Variants in PXDNL observed in about 807,000 individuals in gnomAD.
PXDNL encodes peroxidasin like.
In PXDNL, 145 loss-of-function variants were observed where a neutral mutation model predicts 150.8. The ratio of observed to expected loss-of-function variants is 0.96; its 90% CI spans 0.84 to 1.10. The LOEUF (loss-of-function observed/expected upper bound fraction) is 1.10, where lower values mean the gene tolerates loss of function less well. Ranked by LOEUF, PXDNL falls within the 50% of genes least tolerant of loss-of-function variation. The pLI is 0.00. For missense variants in PXDNL, 2,087 were observed against 1,873.9 expected (o/e 1.11, Z -2.10); for synonymous variants, 757 against 725.7 (o/e 1.04, Z -0.69).
chr8:51,509,591 C>T (rs1413159248), intron 4 of PXDNL, among the ~76,000 whole-genome samples: 1 of 151,892 alleles, frequency 6.6e-6, no homozygotes, highest in Non-Finnish European at 1.5e-5. Flanking sequence ...TGTCTCCTTC[C>T]CTGACCACCA....
chr8:51,498,840 A>G (rs777041035), intron 5 of PXDNL, among the ~76,000 whole-genome samples: 1 of 152,206 alleles, frequency 6.6e-6, no homozygotes, highest in Non-Finnish European at 1.5e-5. Flanking sequence ...GAACTATGCA[A>G]GTTTCAGCGT....
At chr8:51,689,671 G>A (rs1451604760) in intron 1 of PXDNL, among the ~76,000 whole-genome samples, 2 of 151,998 alleles carry the variant, frequency 1.3e-5, no homozygotes, top group Non-Finnish European at 2.9e-5. Flanking sequence ...GTATATTTAC[G>A]AGAAAACCAA....
At chr8:51,594,421 A>G (rs1284510592) in intron 2 of PXDNL, among the ~76,000 whole-genome samples, 2 of 152,246 alleles carry the variant, frequency 1.3e-5, no homozygotes, top group Non-Finnish European at 2.9e-5. Flanking sequence ...CAAAGCCACA[A>G]TTAGAAACGG....
chr8:51,596,890 G>A (rs916208595), intron 2 of PXDNL, among the ~76,000 whole-genome samples: 31 of 152,056 alleles, frequency 2.0e-4, no homozygotes, highest in African/African-American at 7.2e-4. Flanking sequence ...ATTTTGCTGT[G>A]CAGAAGCTCT....
intron 17 of PXDNL, among the ~76,000 whole-genome samples, chr8:51,386,315 A>T (rs1015479118): frequency 6.6e-6 from 1 of 151,830 alleles, no homozygotes; most frequent in Non-Finnish European, 1.5e-5. Flanking sequence ...CTGGTCTCGA[A>T]CTCCTGACCT....
At chr8:51,486,763 TATATATATATATATATATATATATATA>T (rs1563433313) in intron 5 of PXDNL, among the ~76,000 whole-genome samples, 3 of 14,516 alleles carry the variant, frequency 2.1e-4, no homozygotes, top group African/African-American at 6.1e-4. Flanking sequence ...TATATATATA[TATATATATATATATATATATATATATA>T]TATATTTTTT....
intron 21 of PXDNL, among the ~76,000 whole-genome samples, chr8:51,326,051 G>T (rs1805474060): frequency 6.6e-6 from 1 of 152,172 alleles, no homozygotes; most frequent in South Asian, 2.1e-4. Flanking sequence ...TTTCAAGCCT[G>T]AGCTACGTGA....
Position 51,339,684 on chromosome 8 carries a change from G to C in PXDNL, c.4086C>G (p.Ser1362=). ...CCGCTGCAAACGTGCTGAAATCTTG[G>C]GAGAACTTTGTTTTTGCCAGAACTG... ...NVTVLAKTKF[S]QDFSTFAAEI... The change falls in exon 21 of 23, where the codon TCC becomes TCG. Residue 1362 remains serine, a synonymous_variant. Coordinates refer to ENST00000356297, the MANE Select transcript of PXDNL (RefSeq NM_144651.5). 3.1e-6 allele frequency: 5 copies of C among 1,613,464 alleles called. No homozygotes were observed. The South Asian group carries it at 5.5e-5, about 18-fold the overall frequency.
intron 5 of PXDNL, among the ~76,000 whole-genome samples, chr8:51,486,767 TATATATATATATATATATATATA>T (rs1810751179): frequency 7.5e-4 from 7 of 9,314 alleles, no homozygotes; most frequent in African/African-American, 1.8e-3. Context: ...TATATATATA[TATATATATATATATATATATATA>T]TATATTTTTT....
intron 2 of PXDNL, among the ~76,000 whole-genome samples, chr8:51,621,540 T>C (rs1814253854): frequency 6.6e-6 from 1 of 151,498 alleles, no homozygotes; most frequent in African/African-American, 2.4e-5. Context: ...GAGGATATGG[T>C]AGACGGGATT....
intron 3 of PXDNL, among the ~76,000 whole-genome samples, chr8:51,579,263 A>G (rs1294660577): frequency 6.6e-6 from 1 of 151,992 alleles, no homozygotes; most frequent in Non-Finnish European, 1.5e-5. Context: ...ACAGTACAAA[A>G]CCCCACAATC....
At chr8:51,577,999 G>GAAAGAAAGAGGAAGGAAGGA (rs1409948869) in intron 3 of PXDNL, among the ~76,000 whole-genome samples, 8 of 31,546 alleles carry the variant, frequency 2.5e-4, no homozygotes, top group East Asian at 7.9e-4. Context: ...AAGAAAGAAA[G>GAAAGAAAGAGGAAGGAAGGA]AGGAAGGAAG....
At chr8:51,426,835 T>C (rs1218770062) in intron 12 of PXDNL, 77 bp from the exon 13 acceptor site, 2 of 776,262 alleles carry the variant, frequency 2.6e-6, no homozygotes, top group Non-Finnish European at 4.3e-6. Context: ...GTCAAAGGTA[T>C]GAACCTGAAT....
intron 21 of PXDNL, among the ~76,000 whole-genome samples, chr8:51,333,572 C>A (rs1805751685): frequency 6.6e-6 from 1 of 152,146 alleles, no homozygotes; most frequent in Non-Finnish European, 1.5e-5. Context: ...GATAAAAGCT[C>A]ACCAACCAAC....
chr8:51,344,252 A>G (rs1806077385), intron 20 of PXDNL, among the ~76,000 whole-genome samples: 1 of 151,832 alleles, frequency 6.6e-6, no homozygotes, highest in Admixed American at 6.6e-5. Context: ...CTACTGGTGT[A>G]TGCTACCATG....
At chr8:51,407,946 A>G (rs902103743) in intron 17 of PXDNL, 121 bp downstream of exon 17, 10 of 766,356 alleles carry the variant, frequency 1.3e-5, no homozygotes, top group Non-Finnish European at 2.0e-5. Flanking sequence ...CTCCAACAAT[A>G]ACAAGTACTA....
intron 17 of PXDNL, among the ~76,000 whole-genome samples, chr8:51,380,360 G>A (rs1807495699): frequency 6.6e-6 from 1 of 152,170 alleles, no homozygotes. Flanking sequence ...CCACAAAGAA[G>A]CACTACTAAG....
At chr8:51,423,087 T>C (rs1808999069) in intron 14 of PXDNL, among the ~76,000 whole-genome samples, 1 of 152,260 alleles carries the variant, frequency 6.6e-6, no homozygotes, top group Non-Finnish European at 1.5e-5. Flanking sequence ...TAAAAAGCTA[T>C]GTCAATTATG....
At chr8:51,578,037 G>A (rs1354437446) in intron 3 of PXDNL, among the ~76,000 whole-genome samples, 2 of 105,142 alleles carry the variant, frequency 1.9e-5, no homozygotes, top group African/African-American at 5.0e-5. Flanking sequence ...AAGGAAGGAA[G>A]GAAGGAAGGA....
Sources: allele counts gnomAD v4.1 joint callset (sites outside exome capture counted in the v4.1 genomes callset), GRCh38; gene constraint gnomAD v4.1.1; transcripts MANE v1.5; gene names NCBI Gene and HGNC (gene_info 2026-07-23, HGNC 2026-07-21).